FBXO34: variants seen among roughly 807,000 people sequenced by gnomAD.
FBXO34 encodes F-box only protein 34.
A neutral mutation model predicts 24.5 loss-of-function variants in FBXO34; 12 were observed. The observed-to-expected ratio is 0.49, with a 90% confidence interval of 0.31 to 0.79. The LOEUF is 0.79. Among genes scored for constraint, FBXO34 ranks in the 30% least tolerant of loss-of-function variants. The pLI is 0.04. For missense variants in FBXO34, 823 were observed against 857.7 expected, an observed-to-expected ratio of 0.96 and a Z score of 0.51; for synonymous variants, 320 against 311.9, an observed-to-expected ratio of 1.03 and a Z score of -0.27.
chr14:55,415,349 T>C, the FBXO34 span, among the ~76,000 whole-genome samples: 3 of 152,328 alleles, frequency 2.0e-5, no homozygotes, highest in African/African-American at 7.2e-5. Flanking sequence ...AACTATAAAG[T>C]ACATTGCTGA....
chr14:55,288,258 A>AT (rs914486482), intron 1 of FBXO34, among the ~76,000 whole-genome samples: 1 of 151,962 alleles, frequency 6.6e-6, no homozygotes, highest in African/African-American at 2.4e-5. Flanking sequence ...GGAAAATCCA[A>AT]TTTTTTTTGG....
At chr14:55,279,742 GCCT>G (rs1291037315) in intron 1 of FBXO34, among the ~76,000 whole-genome samples, 5 of 152,208 alleles carry the variant, frequency 3.3e-5, no homozygotes, top group Admixed American at 2.0e-4. Flanking sequence ...AGTTTAGCCA[GCCT>G]GGGCCTACCT....
At chr14:55,439,278 TA>T in the FBXO34 span, among the ~76,000 whole-genome samples, 1,981 of 133,830 alleles carry the variant, frequency 0.015, 42 homozygotes, top group African/African-American at 0.044. Flanking sequence ...TAATTAACTT[TA>T]AAAAAAAAAA....
chr14:55,293,409 T>G, intron 1 of FBXO34, among the ~76,000 whole-genome samples: 1 of 152,038 alleles, frequency 6.6e-6, no homozygotes, highest in South Asian at 2.1e-4. Flanking sequence ...GTCTTGAACT[T>G]TGACCTCAAG....
chr14:55,378,458 A>G, the FBXO34 span, among the ~76,000 whole-genome samples: 3 of 152,224 alleles, frequency 2.0e-5, no homozygotes, highest in African/African-American at 7.2e-5. Flanking sequence ...AATGGCAGTC[A>G]AAGGCTTATA....
intron 1 of FBXO34, among the ~76,000 whole-genome samples, chr14:55,286,176 G>GTT (rs1218570606): frequency 6.6e-6 from 1 of 151,966 alleles, no homozygotes; most frequent in Non-Finnish European, 1.5e-5. Context: ...AAAAATGAGT[G>GTT]TAACTTCCCA....
At position 55,351,705 on chromosome 14, in the gene FBXO34, C is replaced by A; in HGVS notation, c.1315C>A (p.Leu439Ile). Reference sequence around the variant, plus strand: ...TGCTGTTGATTGTATGAGCAGAGAGCTTGTGTCCCTTACTAGCCGAAATCC... The same window carrying A: ...TGCTGTTGATTGTATGAGCAGAGAGATTGTGTCCCTTACTAGCCGAAATCC... ...TDAVDCMSRE[L>I]VSLTSRNPDQ... is the part of the protein sequence containing the mutation. Residue 439 changes from leucine (L) to isoleucine (I), a missense_variant, in exon 2 of 2, where the codon CTT becomes ATT. Leu to Ile is a conservative substitution (Grantham distance 5). Around this residue, in one of 2 missense-constraint regions of FBXO34, gnomAD observed 693 missense variants for 659.1 expected, o/e 1.05. Transcript: ENST00000313833. 8 of 1,614,208 alleles carry A rather than the reference C, an allele frequency of 5.0e-6. No homozygotes were observed. Among genetic ancestry groups the A allele is most frequent in the Non-Finnish European group, 5.9e-6 (7 of 1,180,052 alleles).
chr14:55,310,995 A>T (rs7147247), intron 1 of FBXO34, among the ~76,000 whole-genome samples: 45,182 of 152,054 alleles, frequency 0.3, 7,097 homozygotes, highest in Non-Finnish European at 0.34. Flanking sequence ...ATAAGAACAA[A>T]TGCTGTTTGA....
downstream of FBXO34, among the ~76,000 whole-genome samples, chr14:55,371,546 C>T (rs866667945): frequency 6.6e-6 from 1 of 151,698 alleles, no homozygotes; most frequent in Non-Finnish European, 1.5e-5. Flanking sequence ...GTGGCTCACA[C>T]CTGTAATCCC....
chr14:55,334,620 T>C (rs572596898), intron 1 of FBXO34, among the ~76,000 whole-genome samples: 1 of 152,000 alleles, frequency 6.6e-6, no homozygotes, highest in Non-Finnish European at 1.5e-5. Context: ...TAAAGCATGA[T>C]AAAGATGCTC....
At chr14:55,356,546 C>A (rs369694230), downstream of FBXO34, among the ~76,000 whole-genome samples, 23 of 152,292 alleles carry the variant, frequency 1.5e-4, no homozygotes, top group African/African-American at 5.5e-4. Context: ...CTGCTGGGTT[C>A]AAGTGATTCT....
chr14:55,292,650 G>A (rs1005370338), intron 1 of FBXO34, among the ~76,000 whole-genome samples: 4 of 151,892 alleles, frequency 2.6e-5, no homozygotes, highest in African/African-American at 7.3e-5. Context: ...CACTGTGCTC[G>A]GCCTGTACTT....
chr14:55,399,245 TTATAA>T, the FBXO34 span, among the ~76,000 whole-genome samples: 11 of 152,332 alleles, frequency 7.2e-5, no homozygotes, highest in South Asian at 2.3e-3. Context: ...AATTATATAC[TTATAA>T]TGTGACTATT....
chr14:55,439,322 G>A, the FBXO34 span, among the ~76,000 whole-genome samples: 2 of 150,000 alleles, frequency 1.3e-5, no homozygotes, highest in Non-Finnish European at 3.0e-5. Flanking sequence ...TTGACATTTG[G>A]CAAACCCTGC....
At chr14:55,349,620 T>TTTTTTTTTTTTTA (rs1218056246) in intron 1 of FBXO34, among the ~76,000 whole-genome samples, 1 of 149,666 alleles carries the variant, frequency 6.7e-6, no homozygotes, top group African/African-American at 2.5e-5. Flanking sequence ...TTTTTTTTTT[T>TTTTTTTTTTTTTA]TTTTTGAGAC....
chr14:55,429,114 T>C, the FBXO34 span: 2 of 1,013,458 alleles, frequency 2.0e-6, no homozygotes, highest in Non-Finnish European at 2.8e-6. Flanking sequence ...TGAGGAGGAC[T>C]TACTTCCCAT....
chr14:55,287,439 A>G (rs1379902201), intron 1 of FBXO34, among the ~76,000 whole-genome samples: 2 of 152,194 alleles, frequency 1.3e-5, no homozygotes, highest in Non-Finnish European at 2.9e-5. Flanking sequence ...ATAAGAAAAA[A>G]GTAAAAAATA....
the FBXO34 span, among the ~76,000 whole-genome samples, chr14:55,398,226 C>A: frequency 3.3e-4 from 50 of 152,262 alleles, 1 homozygote; most frequent in African/African-American, 1.2e-3. Flanking sequence ...GCTGGGCTTA[C>A]AGGTGTGAGC....
downstream of FBXO34, among the ~76,000 whole-genome samples, chr14:55,355,539 T>C (rs1884509329): frequency 6.6e-6 from 1 of 152,060 alleles, no homozygotes; most frequent in East Asian, 1.9e-4. Context: ...ACATACACAC[T>C]TTTTTTCTTG....
Sources: allele counts gnomAD v4.1 joint callset (sites outside exome capture counted in the v4.1 genomes callset), GRCh38; gene constraint gnomAD v4.1.1; regional missense constraint gnomAD v4.1.1; transcripts MANE v1.5; gene names NCBI Gene and HGNC (gene_info 2026-07-23, HGNC 2026-07-21).